Variants in RPS15A observed in about 807,000 individuals in gnomAD.
RPS15A encodes ribosomal protein S15a, also known as small ribosomal subunit protein uS8.
For synonymous variants in RPS15A, 55 were observed against 58.5 expected (o/e 0.94, Z 0.27); for missense variants, 62 against 163.4 (o/e 0.38, Z 3.38).
chr16:18,783,427 G>A (rs1903995854), intron 4 of RPS15A: 1 of 357,410 alleles, frequency 2.8e-6, no homozygotes, highest in African/African-American at 2.1e-5. Context: ...AAGGAGACTT[G>A]AAAGTATTCG....
In RPS15A at chr16:18,782,736, A is replaced by G. The variant is rs1445401260; in HGVS notation, c.*273T>C. ...GACTCTGTCTCCAAAAAAGAAAAAA[A>G]AAAAAAAAAACTGAAATACAACTAA... On this transcript the variant is annotated 3_prime_UTR_variant, in exon 5 of 5. Coordinates refer to ENST00000322989, the MANE Select transcript of RPS15A (RefSeq NM_001019.5). The G allele has an allele frequency of 3.7e-6, 1 of 272,670 alleles. No homozygotes were observed. The highest frequency in any genetic ancestry group is 6.9e-6 in the Non-Finnish European group (1 of 144,150). The allele number at this position is 272,670 out of a possible 1,614,324, so 16.9% of individuals were successfully genotyped here.
At chr16:18,783,266 C>T (rs1360745715) in intron 4 of RPS15A, 164 bp from the exon 5 acceptor site, 1 of 570,466 alleles carries the variant, frequency 1.8e-6, no homozygotes, top group Non-Finnish European at 3.1e-6. Context: ...AGCGTATGAG[C>T]CATGACTCCT....
chr16:18,784,272 A>T (rs1220278146), intron 4 of RPS15A: 1 of 151,492 alleles, frequency 6.6e-6, no homozygotes, highest in African/African-American at 2.4e-5. Flanking sequence ...TTTTCTCGAG[A>T]CAGAGTTTCA....
At position 18,788,148 on chromosome 16, in the gene RPS15A, A is replaced by G. The variant is rs1439932200; in HGVS notation, c.134-6T>C. On this transcript the variant is annotated splice_region_variant and splice_polypyrimidine_tract_variant and intron_variant, in intron 2 of 4. Transcript: ENST00000322989. Reference sequence around the variant, plus strand: ...TTCAAATTCGCCAATGTAACCTACAAAAGATAACTGACTGGATTAAATAAA... The same window carrying G: ...TTCAAATTCGCCAATGTAACCTACAGAAGATAACTGACTGGATTAAATAAA... 6.3e-7 allele frequency: 1 copy of G among 1,581,582 alleles called. No individual in the cohort carries two copies. The highest frequency in any genetic ancestry group is 8.7e-7 in the Non-Finnish European group (1 of 1,151,332).
At chr16:18,784,699 T>C (rs1470054592) in intron 4 of RPS15A, 39 bp downstream of exon 4, 1 of 1,459,444 alleles carries the variant, frequency 6.9e-7, no homozygotes, top group Non-Finnish European at 9.4e-7. Flanking sequence ...CAGAAATTCT[T>C]AGCATTAACT....
chr16:18,784,796 C>T lies in RPS15A; in HGVS notation c.241G>A (p.Val81Met), dbSNP rs771626957. The change falls in exon 4 of 5, where the codon GTG (valine) becomes ATG (methionine). Residue 81 changes from valine (V) to methionine (M), a missense_variant. Transcript: ENST00000322989. The stretch of plus-strand genomic sequence containing the variant: ...CATTTTTCCAGGTCTTTGAGTTGCA[C>T]GTCAAATCTGGGGCTGATCACCCCA... ...KCGVISPRFD[V>M]QLKDLEKWQN... The T allele has an allele frequency of 3.1e-6, 5 of 1,612,068 alleles. No homozygotes were observed. The highest frequency in any genetic ancestry group is 1.7e-6 in the Non-Finnish European group (2 of 1,179,268).
At chr16:18,789,817 T>C (rs1158444886) in intron 1 of RPS15A, 5 of 152,234 alleles carry the variant, frequency 3.3e-5, no homozygotes, top group Non-Finnish European at 7.3e-5. Flanking sequence ...TTCAAAAGTG[T>C]CTAAAGAAAA....
chr16:18,788,276 G>A, intron 2 of RPS15A, 134 bp from the exon 3 acceptor site: 1 of 643,412 alleles, frequency 1.6e-6, no homozygotes, highest in Non-Finnish European at 2.8e-6. Context: ...GGGGAAGACA[G>A]TTGCTCTGTA....
intron 1 of RPS15A, 32 bp from the exon 2 acceptor site, chr16:18,789,150 C>T (rs375513619): frequency 3.8e-6 from 6 of 1,589,296 alleles, no homozygotes; most frequent in East Asian, 2.2e-5. Context: ...GGAGGTTTTA[C>T]TGGCATTGCC....
chr16:18,788,547 TGGCCGATCTC>T (rs553663058), intron 2 of RPS15A: 19 of 185,244 alleles, frequency 1.0e-4, no homozygotes, highest in Non-Finnish European at 1.8e-4. Flanking sequence ...TGGAGTGCAG[TGGCCGATCTC>T]GGCTCACTGC....
intron 3 of RPS15A, chr16:18,785,615 T>C (rs1158615386): frequency 6.6e-6 from 1 of 152,230 alleles, no homozygotes; most frequent in African/African-American, 2.4e-5. Flanking sequence ...AAGCAGAGAT[T>C]GACCCACAGA....
At chr16:18,789,746 A>G (rs1427273540) in intron 1 of RPS15A, among the ~76,000 whole-genome samples, 1 of 152,232 alleles carries the variant, frequency 6.6e-6, no homozygotes, top group Non-Finnish European at 1.5e-5. Flanking sequence ...ACCGCACACT[A>G]CACTGAAGTT....
Position 18,788,923 on chromosome 16 carries a change from G to A in RPS15A, c.133+58C>T, listed in dbSNP as rs760616137. On this transcript the variant is annotated intron_variant, in intron 2 of 4. Transcript: ENST00000322989. Reference sequence around the variant, plus strand: ...GGTCCCCCATAATTAATTTCTACAGGACTGATTTCTTAGAGAGTCTCACAT... The same window carrying A: ...GGTCCCCCATAATTAATTTCTACAGAACTGATTTCTTAGAGAGTCTCACAT... The A allele has an allele frequency of 7.1e-6, 11 of 1,558,236 alleles. No individual in the cohort carries two copies. In the East Asian group the frequency reaches 1.6e-4, roughly 22 times the overall value.
chr16:18,789,011 C>G lies in RPS15A; in HGVS notation c.103G>C (p.Val35Leu). 6.2e-7 allele frequency: 1 copy of G among 1,613,958 alleles called. No individual in the cohort carries two copies. The highest frequency in any genetic ancestry group is 8.5e-7 in the Non-Finnish European group (1 of 1,179,950). The change falls in exon 2 of 5, where the codon GTC (valine) becomes CTC (leucine). Residue 35 changes from valine to leucine, a missense_variant. Coordinates refer to ENST00000322989, the MANE Select transcript of RPS15A (RefSeq NM_001019.5). ...VLIRPCSKVI[V>L]RFLTVMMKHG... ...TTCATCATCACAGTGAGAAACCGGA[C>G]GATGACTTTGGAGCACGGCCTAATA... is the stretch of plus-strand genomic sequence containing the variant.
At chr16:18,789,788 A>T (rs1020228392) in intron 1 of RPS15A, 18 of 152,248 alleles carry the variant, frequency 1.2e-4, no homozygotes, top group African/African-American at 4.3e-4. Context: ...AGTAAAGAGT[A>T]GAACTTAAAT....
At chr16:18,783,161 G>T in intron 4 of RPS15A, 59 bp from the exon 5 acceptor site, 1 of 1,144,384 alleles carries the variant, frequency 8.7e-7, no homozygotes. Context: ...GTGCCTTCTA[G>T]TGCAGAAAAA....
intron 4 of RPS15A, chr16:18,783,561 A>G: frequency 4.6e-6 from 2 of 431,326 alleles, no homozygotes; most frequent in Admixed American, 5.2e-5. Context: ...CACTGTAACA[A>G]GCATATAGTA....
intron 3 of RPS15A, chr16:18,785,042 A>C (rs1460792356): frequency 4.0e-6 from 2 of 496,518 alleles, no homozygotes; most frequent in African/African-American, 4.0e-5. Flanking sequence ...GCATGCAAAG[A>C]GATGGAACAA....
chr16:18,785,775 G>A (rs1490439934), intron 3 of RPS15A: 5 of 152,174 alleles, frequency 3.3e-5, no homozygotes, highest in Non-Finnish European at 7.3e-5. Flanking sequence ...ATAGGAATAT[G>A]GGAAAACCAG....
Sources: gnomAD v4.1 joint callset for allele counts (sites outside exome capture counted in the v4.1 genomes callset) on GRCh38, gnomAD v4.1.1 for gene constraint, MANE v1.5 for transcripts, NCBI Gene and HGNC (gene_info 2026-07-23, HGNC 2026-07-21) for gene names.